ZNF577: variants seen among roughly 807,000 people sequenced by gnomAD.
The protein encoded by ZNF577 is zinc finger protein 577.
ZNF577 carries 14 observed loss-of-function variants against 13.9 expected under a neutral mutation model. That is an observed-to-expected ratio of 1.00 (90% CI 0.66 to 1.57). The LOEUF (loss-of-function observed/expected upper bound fraction) is 1.57, where lower values mean the gene tolerates loss of function less well. ZNF577 is among the 40% of genes most tolerant of loss of function. The probability of loss-of-function intolerance (pLI) is 0.00; values close to 1 mark genes in which losing one functional copy is unlikely to be tolerated. For missense variants in ZNF577, 555 were observed against 579.2 expected, an observed-to-expected ratio of 0.96 and a Z score of 0.43; for synonymous variants, 203 against 202.9, an observed-to-expected ratio of 1.00 and a Z score of 0.00.
intron 5 of ZNF577, among the ~76,000 whole-genome samples, chr19:51,854,872 T>C (rs1393058067): frequency 6.6e-6 from 1 of 152,196 alleles, no homozygotes; most frequent in African/African-American, 2.4e-5. Context: ...TCAGACTGGA[T>C]AATTTCCATT....
chr19:51,837,631 T>C (rs919043243), intron 9 of ZNF577, among the ~76,000 whole-genome samples: 12 of 152,120 alleles, frequency 7.9e-5, no homozygotes, highest in African/African-American at 2.9e-4. Flanking sequence ...TCTTATATAA[T>C]TCCATATGTG....
In ZNF577 at chr19:51,880,432, C is replaced by T. The variant is rs531652737; in HGVS notation, c.-19-31G>A. Reference sequence around the variant, plus strand: ...AAAAAAAAGGAGACACAGTTTAAAGCAGAGAAAACCCACAGGGTCTTAACA... The same window carrying T: ...AAAAAAAAGGAGACACAGTTTAAAGTAGAGAAAACCCACAGGGTCTTAACA... On this transcript the variant is annotated intron_variant, in intron 2 of 5. Transcript: ENST00000638348. The T allele has an allele frequency of 8.3e-4, 1,326 of 1,603,306 alleles. 8 individuals are homozygous for T. The highest frequency in any genetic ancestry group is 3.4e-3 in the South Asian group (304 of 90,594).
chr19:51,880,102 C>T (rs908277157), intron 3 of ZNF577, among the ~76,000 whole-genome samples: 2 of 152,180 alleles, frequency 1.3e-5, no homozygotes, highest in East Asian at 1.9e-4. Flanking sequence ...AGTCAGATGA[C>T]CAGAAGCCTC....
In ZNF577 at chr19:51,872,423, C is replaced by G; in HGVS notation, c.*109G>C. On this transcript the variant is annotated 3_prime_UTR_variant, in exon 6 of 6. Transcript: ENST00000638348. ...AGGTTTGACTTCTCACAGAAATGTC[C>G]TCCACAACCACTGCCTCCACAGTGT... 1.1e-6 allele frequency: 1 copy of G among 911,144 alleles called. No individual in the cohort carries two copies. The allele number at this position is 911,144 out of a possible 1,614,324, so 56.4% of individuals were successfully genotyped here.
chr19:51,851,568 T>G (rs1218011579), intron 5 of ZNF577, among the ~76,000 whole-genome samples: 2 of 152,188 alleles, frequency 1.3e-5, no homozygotes, highest in Non-Finnish European at 2.9e-5. Flanking sequence ...AGCCATCTCC[T>G]AGCACTGACA....
At chr19:51,827,456 G>A (rs769929182) in intron 9 of ZNF577, among the ~76,000 whole-genome samples, 2 of 152,176 alleles carry the variant, frequency 1.3e-5, no homozygotes, top group African/African-American at 2.4e-5. Flanking sequence ...GGTCTATATT[G>A]TTTGCTGATG....
At chr19:51,835,589 A>G (rs2084283648) in intron 9 of ZNF577, among the ~76,000 whole-genome samples, 1 of 152,214 alleles carries the variant, frequency 6.6e-6, no homozygotes, top group South Asian at 2.1e-4. Context: ...TGAAGAATAA[A>G]GTGATTTTTA....
intron 9 of ZNF577, among the ~76,000 whole-genome samples, chr19:51,836,412 G>T (rs184014997): frequency 1.3e-5 from 2 of 152,282 alleles, no homozygotes; most frequent in African/African-American, 4.8e-5. Context: ...TCTGACGGGG[G>T]TAAGATAATA....
chr19:51,879,951 C>A (rs2084834837), intron 3 of ZNF577, among the ~76,000 whole-genome samples: 1 of 152,162 alleles, frequency 6.6e-6, no homozygotes, highest in Non-Finnish European at 1.5e-5. Flanking sequence ...CAAGCTGTTA[C>A]CAAAGAATGG....
In ZNF577 at chr19:51,872,694, T is replaced by C. The variant is rs1353020748; in HGVS notation, c.1296A>G (p.Leu432=). ...TPPLLNKSER[L]VGRNVVIVEQ... is the part of the protein sequence containing the mutation. ...CCACAATCACTACATTTCTGCCCACTAGGCGCTCACTCTTGTTTAACAATG... is the reference window on the plus strand; with the variant it reads ...CCACAATCACTACATTTCTGCCCACCAGGCGCTCACTCTTGTTTAACAATG... The change falls in exon 6 of 6, where the codon CTA becomes CTG. Residue 432 remains leucine (L), a synonymous_variant. Coordinates refer to ENST00000638348, the MANE Select transcript of ZNF577 (RefSeq NM_001370449.1). 3 of 1,614,226 alleles carry C rather than the reference T, an allele frequency of 1.9e-6. No homozygotes were observed. Among genetic ancestry groups the C allele is most frequent in the African/African-American group, 2.7e-5 (2 of 75,058 alleles).
intron 9 of ZNF577, among the ~76,000 whole-genome samples, chr19:51,813,119 A>AACACACACAC (rs35245083): frequency 0.013 from 1,819 of 137,168 alleles, 20 homozygotes; most frequent in Admixed American, 0.024. Context: ...GCTCTGTCTC[A>AACACACACAC]ACACACACAC....
At chr19:51,866,112 TAA>T (rs77138668), downstream of ZNF577, among the ~76,000 whole-genome samples, 4 of 139,284 alleles carry the variant, frequency 2.9e-5, no homozygotes, top group Non-Finnish European at 3.1e-5. Context: ...AGACTCCATC[TAA>T]AAAAAAAAAA....
At chr19:51,805,721 C>T (rs1237446531) in intron 10 of ZNF577, among the ~76,000 whole-genome samples, 2 of 152,210 alleles carry the variant, frequency 1.3e-5, no homozygotes, top group Admixed American at 6.5e-5. Flanking sequence ...TCTCTACGTA[C>T]TGAGCCGTTT....
At chr19:51,834,688 C>T (rs1365191082) in intron 9 of ZNF577, among the ~76,000 whole-genome samples, 1 of 128,198 alleles carries the variant, frequency 7.8e-6, no homozygotes, top group Admixed American at 7.9e-5. Context: ...AGTGTGCACA[C>T]GATTTTTTTT....
At chr19:51,879,174 A>G (rs1039364083) in intron 3 of ZNF577, among the ~76,000 whole-genome samples, 9 of 151,712 alleles carry the variant, frequency 5.9e-5, no homozygotes, top group Non-Finnish European at 1.0e-4. Context: ...GGAGAATGGC[A>G]TGAACCCGGG....
intron 9 of ZNF577, among the ~76,000 whole-genome samples, chr19:51,837,962 T>C (rs2084297064): frequency 1.3e-5 from 2 of 152,210 alleles, no homozygotes; most frequent in African/African-American, 4.8e-5. Context: ...TGACTGAGCT[T>C]GGAGCCAGCT....
At position 51,869,038 on chromosome 19, in the gene ZNF577, G is replaced by A. The variant is rs1165908805; in HGVS notation, c.*3494C>T. On this transcript the variant is annotated 3_prime_UTR_variant, in exon 6 of 6. Coordinates refer to ENST00000638348, the MANE Select transcript of ZNF577 (RefSeq NM_001370449.1). ...GGGACCTCTGCCCAAGAAAGCCTGG[G>A]TATCGTCCAAGGTTTCTCCCCACTG... 1.3e-5 allele frequency among the ~76,000 whole-genome samples: 2 copies of A among 152,200 alleles called. No homozygotes were observed. The highest frequency in any genetic ancestry group is 2.9e-5 in the Non-Finnish European group (2 of 68,038).
chr19:51,840,842 G>A (rs1243865989), intron 8 of ZNF577: 2 of 152,122 alleles, frequency 1.3e-5, no homozygotes, highest in East Asian at 3.9e-4. Context: ...CCACTGGTTA[G>A]AGTTAAAACT....
At chr19:51,808,101 T>G (rs759220703) in intron 10 of ZNF577, among the ~76,000 whole-genome samples, 3 of 152,230 alleles carry the variant, frequency 2.0e-5, no homozygotes, top group Non-Finnish European at 4.4e-5. Flanking sequence ...AAGCTGTAAT[T>G]TGGCTTCTGC....
Sources: gnomAD v4.1 joint callset for allele counts (sites outside exome capture counted in the v4.1 genomes callset) on GRCh38, gnomAD v4.1.1 for gene constraint, MANE v1.5 for transcripts, NCBI Gene and HGNC (gene_info 2026-07-23, HGNC 2026-07-21) for gene names.